CDH18: variants seen among roughly 807,000 people sequenced by gnomAD.
CDH18 encodes the protein cadherin 18.
In CDH18, 31 loss-of-function variants were observed where a neutral mutation model predicts 67.9. That is an observed-to-expected ratio of 0.46 (90% confidence interval 0.34 to 0.62). The LOEUF is 0.62. CDH18 is among the 20% of genes least tolerant of loss of function. The probability of loss-of-function intolerance (pLI) is 0.01; values close to 1 mark genes in which losing one functional copy is unlikely to be tolerated. For synonymous variants in CDH18, 362 were observed against 347.2 expected (o/e 1.04, Z -0.48); for missense variants, 890 against 975.5 (o/e 0.91, Z 1.17).
chr5:19,616,761 G>T (rs1048591877), intron 5 of CDH18, among the ~76,000 whole-genome samples: 2 of 152,094 alleles, frequency 1.3e-5, no homozygotes, highest in African/African-American at 4.8e-5. Flanking sequence ...TAAAAACAGA[G>T]ATTTATTTCT....
chr5:20,140,393 CCAACA>C (rs1230612815), intron 2 of CDH18, among the ~76,000 whole-genome samples: 2 of 151,930 alleles, frequency 1.3e-5, no homozygotes, highest in Non-Finnish European at 1.5e-5. Context: ...GTGCAGCACA[CCAACA>C]CAACACATGT....
At chr5:20,011,593 G>A (rs1357401482) in intron 2 of CDH18, among the ~76,000 whole-genome samples, 2 of 152,110 alleles carry the variant, frequency 1.3e-5, no homozygotes, top group African/African-American at 2.4e-5. Context: ...CTGTGGGTTT[G>A]TCATACATGG....
chr5:20,309,326 A>G (rs539815299), intron 1 of CDH18, among the ~76,000 whole-genome samples: 108 of 152,266 alleles, frequency 7.1e-4, no homozygotes, highest in Middle Eastern at 3.4e-3. Context: ...CAGAATATTA[A>G]TTGTCTAAAT....
Position 20,024,578 on chromosome 5 carries a change from G to C in CDH18, c.-517-32564C>G, listed in dbSNP as rs536445104. On this transcript the variant is annotated intron_variant, in intron 2 of 14. Transcript: ENST00000507958. The stretch of plus-strand genomic sequence containing the variant: ...ATTTACAGATTTGTGTAAATGTATG[G>C]GCTTGTAGAATACATACGAGAATAA... 3.4e-4 allele frequency among the ~76,000 whole-genome samples: 52 copies of C among 152,150 alleles called. 1 individual carries two copies. The highest frequency in any genetic ancestry group is 1.2e-3 in the African/African-American group (51 of 41,510).
At chr5:20,111,101 A>G (rs1215275414) in intron 2 of CDH18, among the ~76,000 whole-genome samples, 2 of 152,196 alleles carry the variant, frequency 1.3e-5, no homozygotes, top group Non-Finnish European at 2.9e-5. Flanking sequence ...TTTTTCAAGT[A>G]AGGTAATTCC....
intron 3 of CDH18, among the ~76,000 whole-genome samples, chr5:19,786,755 C>A (rs1775819987): frequency 6.6e-6 from 1 of 152,072 alleles, no homozygotes; most frequent in Non-Finnish European, 1.5e-5. Flanking sequence ...TAGAGAAAAT[C>A]CTAGAATCTT....
chr5:20,309,077 T>A (rs1736759645), intron 1 of CDH18, among the ~76,000 whole-genome samples: 1 of 152,198 alleles, frequency 6.6e-6, no homozygotes, highest in Non-Finnish European at 1.5e-5. Context: ...TAAACACACA[T>A]GTACACACAT....
intron 2 of CDH18, among the ~76,000 whole-genome samples, chr5:20,083,036 C>A: frequency 6.6e-6 from 1 of 152,142 alleles, no homozygotes; most frequent in South Asian, 2.1e-4. Context: ...CTCCACATAC[C>A]CTTTCCCAAG....
intron 2 of CDH18, among the ~76,000 whole-genome samples, chr5:20,117,820 A>C (rs1748044248): frequency 6.6e-6 from 1 of 152,194 alleles, no homozygotes. Flanking sequence ...TTTTTTGTTT[A>C]ATAGGTAGCA....
intron 1 of CDH18, among the ~76,000 whole-genome samples, chr5:20,421,845 CAT>C (rs1403936222): frequency 6.7e-6 from 1 of 149,902 alleles, no homozygotes; most frequent in Non-Finnish European, 1.5e-5. Context: ...TATATATACA[CAT>C]GTATACACAC....
intron 2 of CDH18, among the ~76,000 whole-genome samples, chr5:20,231,470 G>A (rs190364257): frequency 3.3e-5 from 5 of 151,972 alleles, no homozygotes; most frequent in African/African-American, 9.6e-5. Context: ...GTGGGGTGGC[G>A]CTCCTGTAAC....
chr5:19,863,913 C>T (rs1029835558), intron 2 of CDH18, among the ~76,000 whole-genome samples: 3 of 152,042 alleles, frequency 2.0e-5, no homozygotes, highest in African/African-American at 7.2e-5. Flanking sequence ...AATAGGAACA[C>T]TTTTACACTG....
chr5:20,436,066 G>T (rs569883276), intron 1 of CDH18, among the ~76,000 whole-genome samples: 4 of 152,036 alleles, frequency 2.6e-5, no homozygotes, highest in Non-Finnish European at 5.9e-5. Context: ...AACAATATTG[G>T]TTTATATTTA....
At chr5:20,555,762 T>G (rs1757872677) in intron 1 of CDH18, among the ~76,000 whole-genome samples, 1 of 151,962 alleles carries the variant, frequency 6.6e-6, no homozygotes, top group South Asian at 2.1e-4. Flanking sequence ...TTTTTTTCCT[T>G]CAGGCCCTGA....
At chr5:19,841,894 T>G (rs1164754650) in intron 2 of CDH18, among the ~76,000 whole-genome samples, 1 of 152,196 alleles carries the variant, frequency 6.6e-6, no homozygotes, top group Non-Finnish European at 1.5e-5. Context: ...TTATGACAAT[T>G]ATGAAAATAG....
intron 2 of CDH18, chr5:20,158,803 G>T: frequency 5.4e-6 from 1 of 184,238 alleles, no homozygotes. Context: ...CCAGAGCAAA[G>T]AGTTCCATTC....
intron 5 of CDH18, among the ~76,000 whole-genome samples, chr5:19,709,954 G>A (rs1764505264): frequency 1.3e-5 from 2 of 152,026 alleles, no homozygotes; most frequent in East Asian, 1.9e-4. Context: ...GGCCAACATT[G>A]TGAAACCCTG....
intron 3 of CDH18, among the ~76,000 whole-genome samples, chr5:19,822,775 A>G (rs1341555147): frequency 6.6e-6 from 1 of 152,160 alleles, no homozygotes; most frequent in Non-Finnish European, 1.5e-5. Flanking sequence ...TCGGGCACGC[A>G]TTGTCATTGA....
chr5:20,553,607 A>G (rs551142728), intron 1 of CDH18, among the ~76,000 whole-genome samples: 18 of 152,206 alleles, frequency 1.2e-4, no homozygotes, highest in Non-Finnish European at 2.5e-4. Context: ...TACAGATTAG[A>G]TGTCCCATGT....
Sources: allele counts gnomAD v4.1 joint callset (sites outside exome capture counted in the v4.1 genomes callset), GRCh38; gene constraint gnomAD v4.1.1; transcripts MANE v1.5; gene names NCBI Gene and HGNC (gene_info 2026-07-23, HGNC 2026-07-21).